NAA11: variants seen among roughly 807,000 people sequenced by gnomAD.
NAA11 encodes the protein N-alpha-acetyltransferase 11.
NAA11 carries 15 observed loss-of-function variants against 16.1 expected under a neutral mutation model. That is an observed-to-expected ratio of 0.93 (90% CI 0.62 to 1.44). The LOEUF (loss-of-function observed/expected upper bound fraction) is 1.44. Among genes scored for constraint, NAA11 ranks in the 40% most tolerant of loss-of-function variants. The pLI, the probability that NAA11 is intolerant of heterozygous loss-of-function variation, is 0.00. For missense variants in NAA11, 298 were observed against 291.3 expected (o/e 1.02, Z -0.17); for synonymous variants, 122 against 112.4 (o/e 1.09, Z -0.54).
At chr4:79,159,959 C>T in the NAA11 span, among the ~76,000 whole-genome samples, 4 of 149,458 alleles carry the variant, frequency 2.7e-5, no homozygotes, top group Non-Finnish European at 5.9e-5. Flanking sequence ...TATTTTTGTT[C>T]ATCTAGATAG....
chr4:79,295,716 A>T (rs895668522), intron 1 of NAA11, among the ~76,000 whole-genome samples: 2 of 151,856 alleles, frequency 1.3e-5, no homozygotes, highest in African/African-American at 2.4e-5. Flanking sequence ...AATTGCAAAA[A>T]CTCTTTGCTG....
intron 2 of NAA11, among the ~76,000 whole-genome samples, chr4:79,228,993 A>G (rs1721391682): frequency 6.6e-6 from 1 of 151,970 alleles, no homozygotes; most frequent in Non-Finnish European, 1.5e-5. Flanking sequence ...ATGATTCACA[A>G]ATATTTTCTC....
the NAA11 span, among the ~76,000 whole-genome samples, chr4:79,195,454 C>T: frequency 6.6e-6 from 1 of 152,038 alleles, no homozygotes; most frequent in Non-Finnish European, 1.5e-5. Context: ...TGAGCTGATA[C>T]ACAAATATTC....
chr4:79,158,458 T>C, the NAA11 span, among the ~76,000 whole-genome samples: 3 of 151,914 alleles, frequency 2.0e-5, no homozygotes, highest in Non-Finnish European at 2.9e-5. Flanking sequence ...AAAGAAATCA[T>C]TGACAACACA....
intron 2 of NAA11, among the ~76,000 whole-genome samples, chr4:79,240,851 G>A (rs10032360): frequency 0.83 from 126,478 of 152,086 alleles, 53,786 homozygotes; most frequent in Non-Finnish European, 0.92. Flanking sequence ...CATGCTCAAT[G>A]GCAAAAGTCA....
rs115334006 is a variant in NAA11 at position 79,250,880 on chromosome 4, C to G, written c.*123-24610G>C. Among the ~76,000 whole-genome samples the G allele has an allele frequency of 7.3e-3, 1,111 of 152,256 alleles. 11 individuals carry two copies. Among genetic ancestry groups the G allele is most frequent in the African/African-American group, 0.025 (1,050 of 41,540 alleles). The stretch of plus-strand genomic sequence containing the variant: ...AAGCATATGAAGAAATATTCAACAT[C>G]ACTAATCATTAGAGAAATGCAAATC... On this transcript the variant is annotated intron_variant and NMD_transcript_variant, in intron 2 of 2. Coordinates refer to the NAA11 transcript ENST00000511542.
At chr4:79,251,472 T>C (rs1360787585) in intron 2 of NAA11, among the ~76,000 whole-genome samples, 1 of 152,052 alleles carries the variant, frequency 6.6e-6, no homozygotes, top group Non-Finnish European at 1.5e-5. Flanking sequence ...TGGGGCCTAC[T>C]TGAGAGTGGA....
At chr4:79,157,236 C>A in the NAA11 span, among the ~76,000 whole-genome samples, 1 of 152,066 alleles carries the variant, frequency 6.6e-6, no homozygotes, top group African/African-American at 2.4e-5. Flanking sequence ...AATTTGTAGT[C>A]TTTTATCTCT....
chr4:79,322,272 G>A (rs1366889850), intron 1 of NAA11, among the ~76,000 whole-genome samples: 2 of 152,166 alleles, frequency 1.3e-5, no homozygotes, highest in African/African-American at 4.8e-5. Context: ...GTGAAGCTCA[G>A]TCTAGGAAAC....
chr4:79,167,268 T>TAGAGAGAGAGAG, the NAA11 span, among the ~76,000 whole-genome samples: 10 of 115,902 alleles, frequency 8.6e-5, no homozygotes, highest in African/African-American at 3.4e-4. Flanking sequence ...TATATATATA[T>TAGAGAGAGAGAG]ATAGAGAGAG....
chr4:79,273,871 C>G (rs1489962730), intron 2 of NAA11, among the ~76,000 whole-genome samples: 1 of 152,002 alleles, frequency 6.6e-6, no homozygotes, highest in Non-Finnish European at 1.5e-5. Context: ...ATGTCAGCTG[C>G]CCTTGGCTGC....
chr4:79,319,782 A>G (rs1265466701), intron 1 of NAA11, among the ~76,000 whole-genome samples: 12 of 152,200 alleles, frequency 7.9e-5, no homozygotes, highest in Non-Finnish European at 2.9e-5. Flanking sequence ...GGTTTCTGGC[A>G]TATCTGGGGT....
At chr4:79,240,902 G>A (rs529127121) in intron 2 of NAA11, among the ~76,000 whole-genome samples, 2 of 152,080 alleles carry the variant, frequency 1.3e-5, no homozygotes, top group African/African-American at 4.8e-5. Context: ...ACAAAAAAAG[G>A]CAGGGTAACT....
chr4:79,193,568 C>G, the NAA11 span, among the ~76,000 whole-genome samples: 1 of 152,066 alleles, frequency 6.6e-6, no homozygotes, highest in Non-Finnish European at 1.5e-5. Context: ...GGGCTCTGTT[C>G]TGTTCCATTG....
At chr4:79,285,551 A>C (rs1217253045) in intron 2 of NAA11, among the ~76,000 whole-genome samples, 1 of 151,982 alleles carries the variant, frequency 6.6e-6, no homozygotes, top group Non-Finnish European at 1.5e-5. Flanking sequence ...GACTGACTAG[A>C]GTTAAAGACT....
chr4:79,246,377 TAA>T (rs869224539), intron 2 of NAA11, among the ~76,000 whole-genome samples: 913 of 22,354 alleles, frequency 0.041, 10 homozygotes, highest in African/African-American at 0.12. Context: ...CAATAAATAC[TAA>T]AAAAAAAAAA....
the NAA11 span, among the ~76,000 whole-genome samples, chr4:79,161,679 T>TG: frequency 8.6e-6 from 1 of 116,144 alleles, no homozygotes; most frequent in African/African-American, 6.6e-5. Flanking sequence ...TTTTACTTAG[T>TG]TTTTTTTTTT....
At chr4:79,238,744 T>A (rs912310872) in intron 2 of NAA11, among the ~76,000 whole-genome samples, 2 of 152,190 alleles carry the variant, frequency 1.3e-5, no homozygotes, top group Non-Finnish European at 2.9e-5. Context: ...TGTTCAGTCA[T>A]AAGAGATGTC....
the NAA11 span, among the ~76,000 whole-genome samples, chr4:79,176,034 GA>G: frequency 6.6e-6 from 1 of 152,222 alleles, no homozygotes; most frequent in African/African-American, 2.4e-5. Flanking sequence ...TTTCCTTACA[GA>G]GTTCAGAAAT....
Sources: gnomAD v4.1 joint callset for allele counts (sites outside exome capture counted in the v4.1 genomes callset) on GRCh38, gnomAD v4.1.1 for gene constraint, MANE v1.5 for transcripts, NCBI Gene and HGNC (gene_info 2026-07-23, HGNC 2026-07-21) for gene names.